The following HIPK1 variants were observed in gnomAD, a reference collection of about 807,000 sequenced individuals.
HIPK1 encodes the protein homeodomain interacting protein kinase 1.
In HIPK1, 28 loss-of-function variants were observed where a neutral mutation model predicts 117.1. The ratio of observed to expected loss-of-function variants is 0.24; its 90% CI spans 0.18 to 0.33. The LOEUF (loss-of-function observed/expected upper bound fraction) is 0.33. Ranked by LOEUF, HIPK1 falls within the 10% of genes least tolerant of loss-of-function variation. HIPK1 has a pLI of 1.00. For missense variants in HIPK1, 1,122 were observed against 1,475.1 expected (o/e 0.76, Z 3.92); for synonymous variants, 605 against 562.5 (o/e 1.08, Z -1.07).
rs114811221 is a variant in HIPK1 at position 113,973,404 on chromosome 1, C to T, written c.3525C>T (p.Tyr1175=). The change falls in exon 16 of 16, where the codon TAC becomes TAT. Residue 1175 remains tyrosine, a synonymous_variant. Transcript: ENST00000426820. ...CTGCCAGCGTGGCCCCTGCTCAGTA[C>T]CAACACCAGTTTGCCACCCAATCCT... The part of the protein sequence containing the change: ...LTSASVAPAQ[Y]QHQFATQSYI... 530 of 1,614,166 alleles carry T rather than the reference C, an allele frequency of 3.3e-4. 5 individuals are homozygous for T. In the East Asian group the frequency reaches 0.011, roughly 34 times the overall value.
chr1:113,954,266 A>G (rs189368785), intron 3 of HIPK1, among the ~76,000 whole-genome samples: 13 of 152,240 alleles, frequency 8.5e-5, no homozygotes, highest in Admixed American at 8.5e-4. Flanking sequence ...CCTGGCCTAT[A>G]TTGTCAAATA....
intron 8 of HIPK1, 96 bp downstream of exon 8, chr1:113,958,387 C>A (rs1671865606): frequency 2.5e-6 from 2 of 810,486 alleles, no homozygotes; most frequent in South Asian, 1.8e-5. Flanking sequence ...CAAGTTTAAA[C>A]TCTGTCTCTG....
At chr1:113,969,889 A>G (rs1672705386) in intron 13 of HIPK1, 67 bp from the exon 14 acceptor site, 1 of 1,572,848 alleles carries the variant, frequency 6.4e-7, no homozygotes, top group South Asian at 1.2e-5. Context: ...CCTGGGTGAC[A>G]GAACAAGACG....
chr1:113,957,901 A>G (rs1671832061), intron 7 of HIPK1, among the ~76,000 whole-genome samples, 165 bp from the exon 8 acceptor site: 1 of 151,984 alleles, frequency 6.6e-6, no homozygotes. Context: ...TATGCCTTCA[A>G]TTTAGGGACT....
intron 13 of HIPK1, among the ~76,000 whole-genome samples, chr1:113,968,892 A>G (rs890777097): frequency 1.3e-5 from 2 of 152,104 alleles, no homozygotes; most frequent in Admixed American, 6.5e-5. Context: ...GTGGTGGCAC[A>G]TGTTTGTATC....
chr1:113,933,052 C>A, intron 1 of HIPK1: 1 of 257,546 alleles, frequency 3.9e-6, no homozygotes, highest in Non-Finnish European at 6.1e-6. Context: ...GCTTTATAGA[C>A]CTATAGACTG....
Position 113,971,946 on chromosome 1 carries a change from C to A in HIPK1, c.3136C>A (p.Leu1046Ile). ...GGTSAAQPLNLSQNQQSSAAP... is the reference protein window; with the variant it reads ...GGTSAAQPLNISQNQQSSAAP... Reference sequence around the variant, plus strand: ...GACCAGTGCAGCACAACCACTCAATCTTAGCCAGGTAAGTGCTATGGGCTA... The same window carrying A: ...GACCAGTGCAGCACAACCACTCAATATTAGCCAGGTAAGTGCTATGGGCTA... The change falls in exon 15 of 16, where the codon CTT (leucine) becomes ATT (isoleucine). Residue 1046 changes from leucine to isoleucine, a missense_variant. By Grantham distance (5) the Leu-to-Ile change is conservative. Transcript: ENST00000426820. 2 of 1,611,266 alleles carry A rather than the reference C, an allele frequency of 1.2e-6. No homozygotes were observed. The highest frequency in any genetic ancestry group is 1.7e-6 in the Non-Finnish European group (2 of 1,178,788).
chr1:113,954,855 T>A (rs1671608283), intron 4 of HIPK1, 85 bp downstream of exon 4: 7 of 1,263,006 alleles, frequency 5.5e-6, no homozygotes, highest in Non-Finnish European at 7.9e-6. Flanking sequence ...TATTAAATTC[T>A]TCAGGTAGAG....
intron 1 of HIPK1, among the ~76,000 whole-genome samples, chr1:113,935,846 T>C (rs1006468016): frequency 2.0e-5 from 3 of 152,220 alleles, no homozygotes; most frequent in Non-Finnish European, 4.4e-5. Context: ...TTTATTGAGT[T>C]GCTATTCACA....
chr1:113,950,852 C>T (rs978659874), intron 2 of HIPK1, among the ~76,000 whole-genome samples: 13 of 152,162 alleles, frequency 8.5e-5, no homozygotes, highest in Non-Finnish European at 5.9e-5. Context: ...TTACTTTAAC[C>T]TCTTAGTGCC....
intron 6 of HIPK1, 121 bp downstream of exon 6, chr1:113,956,932 T>C: frequency 9.9e-7 from 1 of 1,006,724 alleles, no homozygotes; most frequent in African/African-American, 1.6e-5. Flanking sequence ...CAGCAGTGCT[T>C]TTCTTTCTCA....
At chr1:113,934,053 A>T (rs1397494601) in intron 1 of HIPK1, among the ~76,000 whole-genome samples, 1 of 152,206 alleles carries the variant, frequency 6.6e-6, no homozygotes, top group Non-Finnish European at 1.5e-5. Flanking sequence ...TCTGTAAAAA[A>T]TATGTATCAG....
At chr1:113,972,698 T>G (rs1305123732) in intron 15 of HIPK1, among the ~76,000 whole-genome samples, 1 of 152,096 alleles carries the variant, frequency 6.6e-6, no homozygotes, top group Non-Finnish European at 1.5e-5. Context: ...TAGGAAAAAT[T>G]CAAATTTACT....
In HIPK1 at chr1:113,940,864, A is replaced by G; in HGVS notation, c.481A>G (p.Thr161Ala). 1 of 1,614,162 alleles carries G rather than the reference A, an allele frequency of 6.2e-7. No individual in the cohort carries two copies. Among genetic ancestry groups the G allele is most frequent in the Non-Finnish European group, 8.5e-7 (1 of 1,180,038 alleles). ...TVVGAAATTTTVTTKSSSSSG... is the reference protein window; with the variant it reads ...TVVGAAATTTAVTTKSSSSSG... The stretch of plus-strand genomic sequence containing the variant: ...GGTGGGTGCTGCTGCCACAACCACC[A>G]CTGTGACCACAAAGAGTAGCAGTTC... Residue 161 changes from threonine (T) to alanine (A), a missense_variant, in exon 2 of 16, where the codon ACT becomes GCT. Thr to Ala is a moderately conservative substitution (Grantham distance 58). This residue lies in a region of HIPK1 where 192 missense variants were observed against 234.0 expected (regional missense o/e 0.82). Coordinates refer to ENST00000426820, the MANE Select transcript of HIPK1 (RefSeq NM_198268.3).
chr1:113,939,690 C>G (rs1441259037), intron 1 of HIPK1, among the ~76,000 whole-genome samples: 1 of 152,028 alleles, frequency 6.6e-6, no homozygotes, highest in East Asian at 1.9e-4. Context: ...AGAGGGATTA[C>G]TATAGAGCCC....
At chr1:113,955,135 C>T (rs1285774507) in intron 4 of HIPK1, among the ~76,000 whole-genome samples, 2 of 152,166 alleles carry the variant, frequency 1.3e-5, no homozygotes, top group Non-Finnish European at 2.9e-5. Context: ...TTCAGGACTT[C>T]TATATTTTTT....
rs1014084833 is a variant in HIPK1 at position 113,959,233 on chromosome 1, C to T, written c.1981+942C>T. 7.2e-5 allele frequency among the ~76,000 whole-genome samples: 11 copies of T among 151,728 alleles called. No individual in the cohort carries two copies. In the East Asian group the frequency reaches 7.8e-4, roughly 11 times the overall value. Reference sequence around the variant, plus strand: ...CTTTTTACATCAATTACTTATTGACCGTGACTCTCTTGTTTGTTTGGTTTC... The same window carrying T: ...CTTTTTACATCAATTACTTATTGACTGTGACTCTCTTGTTTGTTTGGTTTC... On this transcript the variant is annotated intron_variant, in intron 8 of 15. Coordinates refer to ENST00000426820, the MANE Select transcript of HIPK1 (RefSeq NM_198268.3).
chr1:113,963,476 C>T lies in HIPK1; in HGVS notation c.2193C>T (p.Cys731=), dbSNP rs766876956. Residue 731 remains cysteine (C), a synonymous_variant, in exon 10 of 16, where the codon TGC becomes TGT. Coordinates refer to ENST00000426820, the MANE Select transcript of HIPK1 (RefSeq NM_198268.3). The part of the protein sequence containing the change: ...PQYAVPFTLS[C]AAGRPALVEQ... Reference sequence around the variant, plus strand: ...ATGCGGTGCCCTTTACTCTGAGCTGCGCAGCCGGCCGGCCGGCGCTGGTTG... The same window carrying T: ...ATGCGGTGCCCTTTACTCTGAGCTGTGCAGCCGGCCGGCCGGCGCTGGTTG... 3.0e-5 allele frequency: 48 copies of T among 1,614,094 alleles called. No individual in the cohort carries two copies. The highest frequency in any genetic ancestry group is 3.5e-5 in the Non-Finnish European group (41 of 1,180,022).
chr1:113,971,918 G>A lies in HIPK1; in HGVS notation c.3108G>A (p.Gly1036=), dbSNP rs370207986. Residue 1036 remains glycine (G), a synonymous_variant, in exon 15 of 16, where the codon GGG becomes GGA. Transcript: ENST00000426820. ...ITPTGYRAQR[G]GTSAAQPLNL... ...CCACAGGGTATCGAGCTCAACGCGG[G>A]GGGACCAGTGCAGCACAACCACTCA... is the stretch of plus-strand genomic sequence containing the variant. 21 of 1,608,184 alleles carry A rather than the reference G, an allele frequency of 1.3e-5. No individual in the cohort carries two copies. The highest frequency in any genetic ancestry group is 1.8e-5 in the Non-Finnish European group (21 of 1,177,630).
Sources: gnomAD v4.1 joint callset for allele counts (sites outside exome capture counted in the v4.1 genomes callset) on GRCh38, gnomAD v4.1.1 for gene constraint, gnomAD v4.1.1 regional missense constraint, MANE v1.5 for transcripts, NCBI Gene and HGNC (gene_info 2026-07-23, HGNC 2026-07-21) for gene names.